C13orf42: variants seen among roughly 807,000 people sequenced by gnomAD.
The protein encoded by C13orf42 is uncharacterized protein C13orf42.
At position 51,126,001 on chromosome 13, in the gene C13orf42, G is replaced by A. The variant is rs147906405; in HGVS notation, n.137-12779C>T. Among the ~76,000 whole-genome samples the A allele has an allele frequency of 4.7e-4, 71 of 152,274 alleles. 1 individual carries two copies. The East Asian group carries it at 0.013, about 28-fold the overall frequency. On this transcript the variant is annotated intron_variant and non_coding_transcript_variant, in intron 1 of 4. Coordinates refer to the C13orf42 transcript ENST00000433280. ...GAATAGCAAAGCAAGGACAATCCAC[G>A]CCATTACAATAACAGGTGCACCAAG...
intron 3 of C13orf42, among the ~76,000 whole-genome samples, chr13:51,084,885 A>C (rs1953105707): frequency 6.6e-6 from 1 of 152,216 alleles, no homozygotes; most frequent in Non-Finnish European, 1.5e-5. Context: ...GACGTTCTAC[A>C]TCTTGGAGCC....
At chr13:51,094,172 T>C (rs1278814371) in intron 1 of C13orf42, among the ~76,000 whole-genome samples, 5 of 152,178 alleles carry the variant, frequency 3.3e-5, no homozygotes, top group Non-Finnish European at 5.9e-5. Context: ...ATTCATCTTG[T>C]ACATTTTCTA....
chr13:51,118,199 AAGG>A (rs1953507125), intron 1 of C13orf42, among the ~76,000 whole-genome samples: 1 of 152,164 alleles, frequency 6.6e-6, no homozygotes, highest in Non-Finnish European at 1.5e-5. Context: ...TGGAGTTAGG[AAGG>A]AGAAGGGAAA....
intron 1 of C13orf42, among the ~76,000 whole-genome samples, chr13:51,129,061 G>A (rs1227660629): frequency 6.6e-6 from 1 of 152,174 alleles, no homozygotes; most frequent in East Asian, 1.9e-4. Flanking sequence ...CTTTAATCAT[G>A]CCTAGAACTA....
intron 1 of C13orf42, among the ~76,000 whole-genome samples, chr13:51,154,275 A>C (rs1280440178): frequency 1.3e-5 from 2 of 152,140 alleles, no homozygotes; most frequent in Non-Finnish European, 2.9e-5. Flanking sequence ...GGCTATTGTA[A>C]GTAATGCTGC....
chr13:51,122,784 C>G (rs1359427326), intron 1 of C13orf42, among the ~76,000 whole-genome samples: 1 of 152,132 alleles, frequency 6.6e-6, no homozygotes, highest in Non-Finnish European at 1.5e-5. Context: ...CCTTGTGGAT[C>G]TCTATTCTGA....
At chr13:51,102,305 T>A (rs1450880112) in intron 1 of C13orf42, among the ~76,000 whole-genome samples, 1 of 152,154 alleles carries the variant, frequency 6.6e-6, no homozygotes, top group Non-Finnish European at 1.5e-5. Flanking sequence ...CTGCTTCCTA[T>A]CCCATATGCA....
At chr13:51,097,352 G>C (rs1953245658) in intron 1 of C13orf42, among the ~76,000 whole-genome samples, 1 of 152,192 alleles carries the variant, frequency 6.6e-6, no homozygotes. Flanking sequence ...AATCTGGCAA[G>C]TTAGTTAAGT....
chr13:51,165,567 A>G (rs1953897006), intron 1 of C13orf42, among the ~76,000 whole-genome samples: 1 of 152,186 alleles, frequency 6.6e-6, no homozygotes, highest in African/African-American at 2.4e-5. Flanking sequence ...CCAAGGATGT[A>G]AGAGACAACG....
chr13:51,082,683 A>G lies in C13orf42; in HGVS notation c.*1468T>C, dbSNP rs1470766684. On this transcript the variant is annotated 3_prime_UTR_variant, in exon 4 of 4. Coordinates refer to ENST00000563710, the MANE Select transcript of C13orf42 (RefSeq NM_001351589.3). Reference sequence around the variant, plus strand: ...CAAATCTCCTAAACATTTACTTTCCAGTCAAGCTTCTGGCTATAGCTGGGT... The same window carrying G: ...CAAATCTCCTAAACATTTACTTTCCGGTCAAGCTTCTGGCTATAGCTGGGT... 6.6e-6 allele frequency: 1 copy of G among 152,240 alleles called. No homozygotes were observed. The highest frequency in any genetic ancestry group is 1.5e-5 in the Non-Finnish European group (1 of 68,040). 9.4% of individuals were successfully genotyped at this position (152,240 alleles called of 1,614,324 possible).
chr13:51,160,494 A>G (rs979592497), intron 1 of C13orf42, among the ~76,000 whole-genome samples: 2 of 152,220 alleles, frequency 1.3e-5, no homozygotes, highest in Admixed American at 6.5e-5. Context: ...GGGCAACAAG[A>G]GCAAAACTCC....
chr13:51,127,051 C>A (rs1231264102), intron 1 of C13orf42, among the ~76,000 whole-genome samples: 1 of 152,088 alleles, frequency 6.6e-6, no homozygotes, highest in African/African-American at 2.4e-5. Context: ...CCTATAGTCC[C>A]AGCTACTCAG....
chr13:51,134,312 C>T (rs1270902120), intron 1 of C13orf42, among the ~76,000 whole-genome samples: 1 of 152,166 alleles, frequency 6.6e-6, no homozygotes, highest in East Asian at 1.9e-4. Context: ...TGAGGCACTC[C>T]TCAGTCTCAG....
At chr13:51,106,605 A>C (rs937199741) in intron 1 of C13orf42, among the ~76,000 whole-genome samples, 18 of 152,166 alleles carry the variant, frequency 1.2e-4, no homozygotes, top group African/African-American at 4.3e-4. Context: ...CTAATAGCCA[A>C]CAGGTCAGGT....
At chr13:51,108,100 G>A (rs978115839) in intron 1 of C13orf42, among the ~76,000 whole-genome samples, 5 of 152,084 alleles carry the variant, frequency 3.3e-5, no homozygotes, top group African/African-American at 4.8e-5. Context: ...GCTTTTGTCC[G>A]TGGCATTCTC....
At chr13:51,146,405 G>A (rs192066963) in intron 1 of C13orf42, among the ~76,000 whole-genome samples, 1 of 152,214 alleles carries the variant, frequency 6.6e-6, no homozygotes, top group Non-Finnish European at 1.5e-5. Context: ...TCTTCTTGCT[G>A]TGAACCTCGA....
At chr13:51,108,378 A>G (rs1953385354) in intron 1 of C13orf42, among the ~76,000 whole-genome samples, 1 of 152,182 alleles carries the variant, frequency 6.6e-6, no homozygotes, top group South Asian at 2.1e-4. Context: ...CTTTCTCCCA[A>G]AGCATGGGGT....
At chr13:51,120,014 A>C (rs1953521546) in intron 1 of C13orf42, among the ~76,000 whole-genome samples, 1 of 152,182 alleles carries the variant, frequency 6.6e-6, no homozygotes. Flanking sequence ...GAGGATTATT[A>C]CCATCAAGGA....
At chr13:51,130,133 C>A (rs1412504222) in intron 1 of C13orf42, among the ~76,000 whole-genome samples, 1 of 152,102 alleles carries the variant, frequency 6.6e-6, no homozygotes, top group Non-Finnish European at 1.5e-5. Flanking sequence ...AAGTGTAATG[C>A]CTTTTAGTTC....
Sources: allele counts gnomAD v4.1 joint callset (sites outside exome capture counted in the v4.1 genomes callset), GRCh38; gene constraint gnomAD v4.1.1; transcripts MANE v1.5; gene names NCBI Gene and HGNC (gene_info 2026-07-23, HGNC 2026-07-21).